The following RUFY1 variants were observed in gnomAD, a reference collection of about 807,000 sequenced individuals.
RUFY1 encodes RUN and FYVE domain-containing protein 1.
RUFY1 carries 54 observed loss-of-function variants against 94.6 expected under a neutral mutation model. That is an observed-to-expected ratio of 0.57 (90% confidence interval 0.46 to 0.72). RUFY1 has a LOEUF of 0.72. Among genes scored for constraint, RUFY1 ranks in the 30% least tolerant of loss-of-function variants. The pLI, the probability that RUFY1 is intolerant of heterozygous loss-of-function variation, is 0.00. For synonymous variants in RUFY1, 396 were observed against 347.3 expected, an observed-to-expected ratio of 1.14 and a Z score of -1.56; for missense variants, 883 against 883.9, an observed-to-expected ratio of 1.00 and a Z score of 0.01.
At chr5:179,576,255 T>A (rs1763603592) in intron 5 of RUFY1, among the ~76,000 whole-genome samples, 2 of 152,154 alleles carry the variant, frequency 1.3e-5, no homozygotes, top group South Asian at 4.1e-4. Flanking sequence ...CTCAAGTGCT[T>A]TATTTCTTGG....
rs1350360084 is a variant in RUFY1 at position 179,598,761 on chromosome 5, C to T, written c.1701C>T (p.His567=). 15 of 1,613,936 alleles carry T rather than the reference C, an allele frequency of 9.3e-6. No individual in the cohort carries two copies. Among genetic ancestry groups the T allele is most frequent in the South Asian group, 4.4e-5 (4 of 91,080 alleles). Residue 567 remains histidine (H), a synonymous_variant, in exon 14 of 18, where the codon CAC becomes CAT. Transcript: ENST00000319449. ...QRQALQRELQ[H]EKDTSSLLRM... ...AGGCTCTTCAGCGCGAATTACAGCA[C>T]GAGAAAGACACTTCCTCTCTACTCA...
intron 9 of RUFY1, among the ~76,000 whole-genome samples, chr5:179,590,487 G>GTTGT (rs910634405): frequency 1.3e-5 from 2 of 151,536 alleles, no homozygotes; most frequent in Non-Finnish European, 2.9e-5. Context: ...TTTTGTTGTT[G>GTTGT]TTGTTTGTTT....
chr5:179,557,114 A>G (rs957088925), intron 1 of RUFY1, among the ~76,000 whole-genome samples: 5 of 152,172 alleles, frequency 3.3e-5, no homozygotes, highest in Admixed American at 1.3e-4. Flanking sequence ...GGAGTTACCA[A>G]AACAAAAGTT....
chr5:179,588,938 C>G (rs1196207352), intron 8 of RUFY1, among the ~76,000 whole-genome samples: 5 of 151,768 alleles, frequency 3.3e-5, no homozygotes, highest in Non-Finnish European at 7.4e-5. Context: ...ACCATGTTGC[C>G]CAGGCTGGTC....
intron 12 of RUFY1, among the ~76,000 whole-genome samples, chr5:179,595,185 A>C (rs1016856218): frequency 2.8e-4 from 37 of 132,904 alleles, no homozygotes; most frequent in African/African-American, 9.1e-4. Flanking sequence ...TTTACTAAAA[A>C]TACTAAAAAT....
intron 13 of RUFY1, among the ~76,000 whole-genome samples, chr5:179,597,426 G>A (rs1012028120): frequency 1.1e-4 from 16 of 152,056 alleles, no homozygotes; most frequent in African/African-American, 3.6e-4. Flanking sequence ...TAGTAGAGAC[G>A]GGGTTTCACT....
At chr5:179,556,667 A>G (rs753410410) in intron 1 of RUFY1, among the ~76,000 whole-genome samples, 1 of 152,122 alleles carries the variant, frequency 6.6e-6, no homozygotes, top group East Asian at 1.9e-4. Flanking sequence ...CGCCCAGCTA[A>G]GTTTTGTATT....
chr5:179,586,488 G>A (rs530070688), intron 8 of RUFY1: 15 of 455,058 alleles, frequency 3.3e-5, no homozygotes, highest in South Asian at 1.6e-4. Flanking sequence ...AGCAGTCCCC[G>A]GCTGCCCAGG....
chr5:179,570,429 A>G (rs1763140974), intron 5 of RUFY1, among the ~76,000 whole-genome samples: 1 of 152,210 alleles, frequency 6.6e-6, no homozygotes, highest in Non-Finnish European at 1.5e-5. Context: ...GGTTGATAAA[A>G]TGGCACAAAG....
intron 7 of RUFY1, among the ~76,000 whole-genome samples, chr5:179,584,536 T>C (rs1764442283): frequency 6.6e-6 from 1 of 152,122 alleles, no homozygotes; most frequent in East Asian, 1.9e-4. Flanking sequence ...CTCAGCAGTT[T>C]GGGAGGCTGG....
In RUFY1 at chr5:179,567,521, A is replaced by G. The variant is rs1221914206; in HGVS notation, c.663A>G (p.Ala221=). 1 of 1,613,886 alleles carries G rather than the reference A, an allele frequency of 6.2e-7. No homozygotes were observed. Among genetic ancestry groups the G allele is most frequent in the East Asian group, 2.2e-5 (1 of 44,906 alleles). The change falls in exon 4 of 18, where the codon GCA becomes GCG. Residue 221 remains alanine (A), a synonymous_variant. Coordinates refer to ENST00000319449, the MANE Select transcript of RUFY1 (RefSeq NM_025158.5). The part of the protein sequence containing the change: ...LYLALMQKKL[A]DYLKVLIDNK... ...TTGCACTCATGCAAAAGAAACTGGC[A>G]GATTATCTGAAAGTGCTTATAGACA...
chr5:179,597,252 T>C (rs1765749481), intron 13 of RUFY1, among the ~76,000 whole-genome samples: 2 of 151,936 alleles, frequency 1.3e-5, no homozygotes, highest in South Asian at 4.2e-4. Context: ...TGTTTTTTTT[T>C]TGAGACCGAG....
In RUFY1 at chr5:179,601,912, C is replaced by G; in HGVS notation, c.1782C>G (p.Asp594Glu). The G allele has an allele frequency of 6.2e-7, 1 of 1,612,820 alleles. No individual in the cohort carries two copies. Among genetic ancestry groups the G allele is most frequent in the Non-Finnish European group, 8.5e-7 (1 of 1,179,658 alleles). The change falls in exon 15 of 18, where the codon GAC (aspartate) becomes GAG (glutamate). Residue 594 changes from aspartate (D) to glutamate (E), a missense_variant. By Grantham distance (45) the Asp-to-Glu change is conservative (BLOSUM62 2). Coordinates refer to ENST00000319449, the MANE Select transcript of RUFY1 (RefSeq NM_025158.5). ...TTTAGGAGTTGCGGGAGCTTCAGGA[C>G]GAGAAGGCAGAGCTGCAGAAGATCT... ...GLKKELRELQ[D>E]EKAELQKICE...
intron 1 of RUFY1, among the ~76,000 whole-genome samples, chr5:179,557,609 C>G (rs1386319441): frequency 1.3e-5 from 2 of 152,134 alleles, no homozygotes; most frequent in Non-Finnish European, 2.9e-5. Flanking sequence ...TATTTCAAAT[C>G]CATTTTCATC....
chr5:179,569,057 T>A, intron 4 of RUFY1: 1 of 984,994 alleles, frequency 1.0e-6, no homozygotes, highest in Non-Finnish European at 1.2e-6. Flanking sequence ...GGGTCCAGGG[T>A]CTGCATGGAG....
At position 179,589,622 on chromosome 5, in the gene RUFY1, G is replaced by A. The variant is rs1180191190; in HGVS notation, c.1103G>A (p.Arg368Gln). The change falls in exon 9 of 18, where the codon CGA (arginine) becomes CAA (glutamine). Residue 368 changes from arginine (R) to glutamine (Q), a missense_variant. Physicochemically the swap from Arg to Gln is conservative, Grantham distance 43. Coordinates refer to ENST00000319449, the MANE Select transcript of RUFY1 (RefSeq NM_025158.5). Reference protein sequence around the residue: ...QQLREQNELIRERSEKSVEIT... With the variant: ...QQLREQNELIQERSEKSVEIT... ...TTAAGAGAACAAAATGAATTAATTC[G>A]AGAAAGAAGTGAAAAGAGTGTAGAG... The A allele has an allele frequency of 1.4e-5, 23 of 1,613,580 alleles. No individual in the cohort carries two copies. Among genetic ancestry groups the A allele is most frequent in the South Asian group, 2.2e-5 (2 of 91,058 alleles).
intron 7 of RUFY1, among the ~76,000 whole-genome samples, chr5:179,585,043 A>G (rs780588989): frequency 6.6e-6 from 1 of 151,926 alleles, no homozygotes; most frequent in Non-Finnish European, 1.5e-5. Context: ...AGGCAGGAGA[A>G]TCACCTGAAC....
Position 179,550,768 on chromosome 5 carries a change from C to G in RUFY1, c.199C>G (p.Leu67Val). The G allele has an allele frequency of 7.1e-7, 1 of 1,406,152 alleles. No individual in the cohort carries two copies. The highest frequency in any genetic ancestry group is 9.3e-7 in the Non-Finnish European group (1 of 1,076,264). 87.1% of individuals were successfully genotyped at this position (1,406,152 alleles called of 1,614,324 possible). A position where few individuals can be genotyped will look rare whatever the true frequency, so the allele number is the denominator to read the frequency against. The part of the protein sequence containing the change: ...RAAEGWSAPI[L>V]TLARRATGNL... ...GGCCGAGGGCTGGTCGGCGCCCATC[C>G]TGACCCTGGCACGCAGGGCCACCGG... The change falls in exon 1 of 18, where the codon CTG becomes GTG. Residue 67 changes from leucine (L) to valine (V), a missense_variant. Physicochemically the swap from Leu to Val is conservative, Grantham distance 32. Transcript: ENST00000319449.
intron 1 of RUFY1, among the ~76,000 whole-genome samples, chr5:179,558,632 C>T (rs1190881504): frequency 1.3e-5 from 2 of 151,874 alleles, no homozygotes; most frequent in South Asian, 2.1e-4. Context: ...CACTTTTAAC[C>T]CTCTCCACAA....
Sources: allele counts gnomAD v4.1 joint callset (sites outside exome capture counted in the v4.1 genomes callset), GRCh38; gene constraint gnomAD v4.1.1; transcripts MANE v1.5; gene names NCBI Gene and HGNC (gene_info 2026-07-23, HGNC 2026-07-21).